KCNH8: variants seen among roughly 807,000 people sequenced by gnomAD.
KCNH8 encodes the protein voltage-gated delayed rectifier potassium channel KCNH8.
Under a neutral mutation model 103.6 loss-of-function variants are expected in KCNH8, and 70 were observed. The ratio of observed to expected loss-of-function variants is 0.68; its 90% CI spans 0.56 to 0.82. The LOEUF (loss-of-function observed/expected upper bound fraction) is 0.82, where lower values mean the gene tolerates loss of function less well. KCNH8 is among the 40% of genes least tolerant of loss of function. KCNH8 has a pLI of 0.00. For synonymous variants in KCNH8, 498 were observed against 489.4 expected (o/e 1.02, Z -0.23); for missense variants, 1,217 against 1,329.9 (o/e 0.92, Z 1.32).
intron 2 of KCNH8, among the ~76,000 whole-genome samples, chr3:19,271,923 C>G (rs1263775075): frequency 6.6e-6 from 1 of 152,000 alleles, no homozygotes; most frequent in East Asian, 1.9e-4. Context: ...CAAATTTGTT[C>G]TGATCATCTT....
At chr3:19,365,950 C>CT (rs2066005911) in intron 5 of KCNH8, among the ~76,000 whole-genome samples, 1 of 152,072 alleles carries the variant, frequency 6.6e-6, no homozygotes, top group Non-Finnish European at 1.5e-5. Flanking sequence ...CAGCCAGATG[C>CT]TTTACTCCCA....
chr3:19,222,232 A>T (rs2063883801), intron 1 of KCNH8, among the ~76,000 whole-genome samples: 1 of 152,200 alleles, frequency 6.6e-6, no homozygotes, highest in African/African-American at 2.4e-5. Flanking sequence ...ATTACCCAGC[A>T]TTTTTGTCTT....
chr3:19,220,834 A>G (rs2063866664), intron 1 of KCNH8, among the ~76,000 whole-genome samples: 1 of 151,902 alleles, frequency 6.6e-6, no homozygotes, highest in South Asian at 2.1e-4. Context: ...AGAAAATGCT[A>G]GGCATGTTTT....
At chr3:19,164,382 A>C (rs755484797) in intron 1 of KCNH8, among the ~76,000 whole-genome samples, 1 of 152,218 alleles carries the variant, frequency 6.6e-6, no homozygotes, top group African/African-American at 2.4e-5. Flanking sequence ...TTAACATTTA[A>C]TAAGCAAATT....
At chr3:19,365,655 G>A (rs531626336) in intron 5 of KCNH8, among the ~76,000 whole-genome samples, 1 of 152,070 alleles carries the variant, frequency 6.6e-6, no homozygotes, top group South Asian at 2.1e-4. Flanking sequence ...CTAGATGCTG[G>A]AGATAGGCCA....
At position 19,170,806 on chromosome 3, in the gene KCNH8, A is replaced by ATTTT. The variant is rs1473525004; in HGVS notation, c.76+22012_76+22013insTTTT. 7.6e-3 allele frequency among the ~76,000 whole-genome samples: 786 copies of ATTTT among 103,328 alleles called. 50 individuals are homozygous for ATTTT. The highest frequency in any genetic ancestry group is 0.036 in the African/African-American group (747 of 20,610). The allele number at this position is 103,328 out of a possible 152,430, so 67.8% of individuals were successfully genotyped here. On this transcript the variant is annotated intron_variant, in intron 1 of 15. Transcript: ENST00000328405. ...CACACACACATATATATATATATAT[A>ATTTT]TATATTTTTTTTTTTTTTTTTGAGA...
intron 8 of KCNH8, 83 bp downstream of exon 8, chr3:19,438,444 C>G: frequency 8.9e-7 from 1 of 1,124,144 alleles, no homozygotes. Flanking sequence ...TCCTGAAATA[C>G]AAAACAGATA....
chr3:19,431,698 G>C (rs6549867), intron 7 of KCNH8, among the ~76,000 whole-genome samples: 14 of 151,836 alleles, frequency 9.2e-5, no homozygotes, highest in Admixed American at 1.3e-4. Context: ...CACCTGTTCA[G>C]GGATTCAATT....
intron 5 of KCNH8, among the ~76,000 whole-genome samples, chr3:19,384,961 C>T (rs2066336467): frequency 6.6e-6 from 1 of 152,162 alleles, no homozygotes; most frequent in East Asian, 1.9e-4. Context: ...TTCCTTTCTT[C>T]GATGAGGCTT....
intron 7 of KCNH8, among the ~76,000 whole-genome samples, chr3:19,435,346 G>C (rs2067183352): frequency 6.6e-6 from 1 of 152,140 alleles, no homozygotes; most frequent in African/African-American, 2.4e-5. Flanking sequence ...CTTTAAAGTA[G>C]AGATAACAAT....
intron 1 of KCNH8, among the ~76,000 whole-genome samples, chr3:19,188,248 T>C (rs78606837): frequency 0.018 from 2,771 of 152,204 alleles, 82 homozygotes; most frequent in African/African-American, 0.062. Flanking sequence ...ATAATATTTG[T>C]CTAGCTGTGA....
At chr3:19,395,048 T>C in intron 6 of KCNH8, 56 bp from the exon 7 acceptor site, 2 of 1,225,926 alleles carry the variant, frequency 1.6e-6, no homozygotes, top group Non-Finnish European at 2.4e-6. Context: ...CAAGTTAATG[T>C]TGTGGTATGA....
intron 11 of KCNH8, among the ~76,000 whole-genome samples, chr3:19,491,392 T>C (rs1045582474): frequency 2.6e-5 from 4 of 152,338 alleles, no homozygotes; most frequent in East Asian, 1.9e-4. Flanking sequence ...TGTGTACTCA[T>C]TGTTTAGCTA....
intron 8 of KCNH8, among the ~76,000 whole-genome samples, chr3:19,446,888 T>C (rs1377051415): frequency 1.3e-5 from 2 of 151,992 alleles, no homozygotes; most frequent in African/African-American, 4.8e-5. Flanking sequence ...ATAGAAGCAC[T>C]TCTTTCATTT....
At chr3:19,319,775 A>T (rs528541175) in intron 3 of KCNH8, among the ~76,000 whole-genome samples, 5 of 152,032 alleles carry the variant, frequency 3.3e-5, no homozygotes, top group Non-Finnish European at 7.4e-5. Context: ...CATTTTCACA[A>T]TATTGATTCT....
chr3:19,508,678 A>C (rs754408735), intron 11 of KCNH8, among the ~76,000 whole-genome samples: 11 of 152,142 alleles, frequency 7.2e-5, no homozygotes, highest in Non-Finnish European at 1.5e-4. Flanking sequence ...GGCCAGCAGC[A>C]CCAGTATTAC....
chr3:19,508,787 A>T (rs946763176), intron 11 of KCNH8, among the ~76,000 whole-genome samples: 3 of 152,192 alleles, frequency 2.0e-5, no homozygotes, highest in Non-Finnish European at 4.4e-5. Context: ...TCATGTGCAC[A>T]TACATGTTTG....
At chr3:19,343,688 G>A (rs1259754686) in intron 4 of KCNH8, among the ~76,000 whole-genome samples, 1 of 152,026 alleles carries the variant, frequency 6.6e-6, no homozygotes, top group Non-Finnish European at 1.5e-5. Context: ...GGGATCCTTT[G>A]GCATTTCATT....
At chr3:19,288,225 GTTTA>G (rs755977032) in intron 3 of KCNH8, among the ~76,000 whole-genome samples, 33 of 48,934 alleles carry the variant, frequency 6.7e-4, no homozygotes, top group South Asian at 3.3e-3. Context: ...ATTAAAGCTA[GTTTA>G]TTTATTTTTT....
Sources: allele counts gnomAD v4.1 joint callset (sites outside exome capture counted in the v4.1 genomes callset), GRCh38; gene constraint gnomAD v4.1.1; transcripts MANE v1.5; gene names NCBI Gene and HGNC (gene_info 2026-07-23, HGNC 2026-07-21).